The following TTC17 variants were observed in gnomAD, a reference collection of about 807,000 sequenced individuals.
The protein encoded by TTC17 is tetratricopeptide repeat protein 17.
TTC17 carries 58 observed loss-of-function variants against 143.8 expected under a neutral mutation model. That is an observed-to-expected ratio of 0.40 (90% confidence interval 0.33 to 0.50). The LOEUF (loss-of-function observed/expected upper bound fraction) is 0.50, where lower values mean the gene tolerates loss of function less well. Ranked by LOEUF, TTC17 falls within the 20% of genes least tolerant of loss-of-function variation. TTC17 has a pLI of 0.49. For synonymous variants in TTC17, 501 were observed against 497.8 expected (o/e 1.01, Z -0.09); for missense variants, 1,273 against 1,392.5 (o/e 0.91, Z 1.37).
intron 21 of TTC17, among the ~76,000 whole-genome samples, chr11:43,482,178 G>A (rs1390453824): frequency 6.6e-6 from 1 of 151,144 alleles, no homozygotes; most frequent in Non-Finnish European, 1.5e-5. Flanking sequence ...TTTCATTTAT[G>A]TCTGCTCTTA....
chr11:43,435,217 C>T (rs1448541498), intron 16 of TTC17: 1 of 152,138 alleles, frequency 6.6e-6, no homozygotes, highest in African/African-American at 2.4e-5. Flanking sequence ...GCTACTTACA[C>T]ACTCTTAACC....
At chr11:43,409,044 C>T (rs1858280102) in intron 15 of TTC17, among the ~76,000 whole-genome samples, 1 of 152,048 alleles carries the variant, frequency 6.6e-6, no homozygotes, top group Non-Finnish European at 1.5e-5. Flanking sequence ...CACCCGGCCC[C>T]AAAAATGTTC....
chr11:43,402,252 T>G (rs890091342), intron 10 of TTC17, among the ~76,000 whole-genome samples: 1 of 152,138 alleles, frequency 6.6e-6, no homozygotes, highest in Non-Finnish European at 1.5e-5. Context: ...ACTTTCCCTT[T>G]TAGAGTAAGA....
rs1399228147 is a variant in TTC17, at chr11:43,493,844, G to A, written c.3366G>A (p.Lys1122=). Residue 1122 remains lysine (K), a synonymous_variant, in exon 24 of 24, where the codon AAG becomes AAA. Transcript: ENST00000039989. ...TTCAGCCCGAGTTTGTCCCAGCCAA[G>A]AACCGAATCCAGACCATCCAGTGTC... is the stretch of plus-strand genomic sequence containing the variant. ...LKLQPEFVPA[K]NRIQTIQCHL... 1 of 1,613,936 alleles carries A rather than the reference G, an allele frequency of 6.2e-7. No homozygotes were observed. Among genetic ancestry groups the A allele is most frequent in the African/African-American group, 1.3e-5 (1 of 74,892 alleles).
chr11:43,484,368 TAA>T (rs1362731092), intron 21 of TTC17, among the ~76,000 whole-genome samples: 1 of 152,168 alleles, frequency 6.6e-6, no homozygotes, highest in East Asian at 1.9e-4. Context: ...TACATCGTTA[TAA>T]AAATATAAAG....
intron 16 of TTC17, among the ~76,000 whole-genome samples, chr11:43,421,331 A>T (rs745387213): frequency 2.0e-5 from 3 of 152,208 alleles, no homozygotes; most frequent in Non-Finnish European, 2.9e-5. Flanking sequence ...TCTGTGGTGG[A>T]GATGTAGGAG....
chr11:43,412,040 A>G (rs1354091927), intron 15 of TTC17, among the ~76,000 whole-genome samples: 1 of 152,224 alleles, frequency 6.6e-6, no homozygotes, highest in African/African-American at 2.4e-5. Flanking sequence ...AATTTAAAAC[A>G]TATGGTTTGC....
At chr11:43,367,714 CTGTG>C (rs3083209) in intron 1 of TTC17, among the ~76,000 whole-genome samples, 1,678 of 146,574 alleles carry the variant, frequency 0.011, 14 homozygotes, top group African/African-American at 0.025. Flanking sequence ...AGGGGAATGT[CTGTG>C]TGTGTGTGTG....
At chr11:43,430,705 ACACG>A (rs1298804670) in intron 16 of TTC17, among the ~76,000 whole-genome samples, 2 of 103,706 alleles carry the variant, frequency 1.9e-5, no homozygotes, top group African/African-American at 7.2e-5. Context: ...TCCCCTACAT[ACACG>A]CACACACACA....
At chr11:43,472,231 C>G (rs1329724646) in intron 21 of TTC17, among the ~76,000 whole-genome samples, 1 of 151,994 alleles carries the variant, frequency 6.6e-6, no homozygotes, top group African/African-American at 2.4e-5. Flanking sequence ...TAGTAGCATA[C>G]CTACTCTGGA....
intron 1 of TTC17, among the ~76,000 whole-genome samples, chr11:43,364,586 G>A (rs1357305938): frequency 6.6e-6 from 1 of 152,062 alleles, no homozygotes; most frequent in Non-Finnish European, 1.5e-5. Context: ...AATTTGCTAG[G>A]CATCTGCCAA....
chr11:43,447,991 T>C lies in TTC17; in HGVS notation c.2666-11T>C. The C allele has an allele frequency of 6.2e-7, 1 of 1,613,336 alleles. No homozygotes were observed. Among genetic ancestry groups the C allele is most frequent in the Non-Finnish European group, 8.5e-7 (1 of 1,179,618 alleles). ...GCAATTGTGTGGATTCATGGCATAC[T>C]TTCCTTCCAGGAAAAAAACGTGACT... On this transcript the variant is annotated splice_polypyrimidine_tract_variant and intron_variant, in intron 18 of 23. Transcript: ENST00000039989.
At chr11:43,487,612 G>C (rs1948403591) in intron 21 of TTC17, among the ~76,000 whole-genome samples, 1 of 152,224 alleles carries the variant, frequency 6.6e-6, no homozygotes, top group South Asian at 2.1e-4. Flanking sequence ...ATAAGCTGTG[G>C]TTTTAAATCC....
At chr11:43,465,930 G>A (rs923260982) in intron 21 of TTC17, among the ~76,000 whole-genome samples, 1 of 152,180 alleles carries the variant, frequency 6.6e-6, no homozygotes, top group African/African-American at 2.4e-5. Flanking sequence ...AATAGACAAA[G>A]TGGACTATAT....
chr11:43,391,756 T>C lies in TTC17; in HGVS notation c.532-65T>C, dbSNP rs1015195572. On this transcript the variant is annotated intron_variant, in intron 4 of 23. Coordinates refer to ENST00000039989, the MANE Select transcript of TTC17 (RefSeq NM_018259.6). The stretch of plus-strand genomic sequence containing the variant: ...GTATTTCAAAATAAACACTACAAGA[T>C]ACTGAATTATTTGTCATCTTTTATA... 33 of 1,568,266 alleles carry C rather than the reference T, an allele frequency of 2.1e-5. 4 individuals are homozygous for C. The Admixed American group carries it at 3.4e-4, about 16-fold the overall frequency.
Position 43,443,549 on chromosome 11 carries a change from G to A in TTC17, c.2476G>A (p.Asp826Asn). 6.2e-7 allele frequency: 1 copy of A among 1,613,122 alleles called. No individual in the cohort carries two copies. The highest frequency in any genetic ancestry group is 8.5e-7 in the Non-Finnish European group (1 of 1,179,560). The change falls in exon 17 of 24, where the codon GAC becomes AAC. Residue 826 changes from aspartate to asparagine, a missense_variant. This residue lies in a region of TTC17 where 878 missense variants were observed against 899.8 expected (regional missense o/e 0.98). Transcript: ENST00000039989. ...DGVARSSCYG[D>N]CRSEDDEATE... ...AGTGGCCAGAAGCTCTTGCTATGGA[G>A]ACTGCAGAAGTGAAGATGATGAAGC...
At chr11:43,489,214 A>G (rs1156572109) in intron 21 of TTC17, among the ~76,000 whole-genome samples, 1 of 152,180 alleles carries the variant, frequency 6.6e-6, no homozygotes, top group African/African-American at 2.4e-5. Context: ...CAAGACAAAA[A>G]CCTCACAGAA....
chr11:43,422,784 G>A (rs1382336954), intron 16 of TTC17, among the ~76,000 whole-genome samples: 1 of 152,252 alleles, frequency 6.6e-6, no homozygotes, highest in East Asian at 1.9e-4. Context: ...TGTGAAATCG[G>A]TTTTGAAAGG....
intron 18 of TTC17, 108 bp downstream of exon 18, chr11:43,444,317 G>A: frequency 8.7e-7 from 1 of 1,149,138 alleles, no homozygotes; most frequent in Non-Finnish European, 1.2e-6. Context: ...GATGATAAAG[G>A]GGCAAAGTGT....
Sources: gnomAD v4.1 joint callset for allele counts (sites outside exome capture counted in the v4.1 genomes callset) on GRCh38, gnomAD v4.1.1 for gene constraint, gnomAD v4.1.1 regional missense constraint, MANE v1.5 for transcripts, NCBI Gene and HGNC (gene_info 2026-07-23, HGNC 2026-07-21) for gene names.